Variants in MLPH observed in about 807,000 individuals in gnomAD.
The protein encoded by MLPH is melanophilin, also known as exophilin-3.
MLPH carries 51 observed loss-of-function variants against 72.1 expected under a neutral mutation model. That is an observed-to-expected ratio of 0.71 (90% CI 0.56 to 0.89). The LOEUF is 0.89. Among genes scored for constraint, MLPH ranks in the 40% least tolerant of loss-of-function variants. The pLI is 0.00. For missense variants in MLPH, 743 were observed against 759.9 expected, an observed-to-expected ratio of 0.98 and a Z score of 0.26; for synonymous variants, 301 against 310.1, an observed-to-expected ratio of 0.97 and a Z score of 0.31.
At chr2:237,499,485 T>C (rs10192449) in intron 2 of MLPH, among the ~76,000 whole-genome samples, 41,171 of 152,032 alleles carry the variant, frequency 0.27, 10,290 homozygotes, top group African/African-American at 0.66. Flanking sequence ...TATGCTCACC[T>C]GTTGAGCCAG....
At chr2:237,493,313 A>G in intron 1 of MLPH, 90 bp from the exon 2 acceptor site, 1 of 840,472 alleles carries the variant, frequency 1.2e-6, no homozygotes, top group Non-Finnish European at 2.1e-6. Flanking sequence ...CTGAGAAGTC[A>G]GCAGCGTTCT....
chr2:237,511,270 T>A, intron 4 of MLPH, 169 bp downstream of exon 4: 2 of 443,754 alleles, frequency 4.5e-6, no homozygotes, highest in Non-Finnish European at 8.0e-6. Flanking sequence ...CTGGCTGCTT[T>A]TTTTTTTTTT....
chr2:237,510,423 A>C lies in MLPH; in HGVS notation c.111-151A>C. ...AAAGATGCCTGTGTGGCTTTGCCCA[A>C]CGTTGGGTCACTGTTTTCTGCATAG... On this transcript the variant is annotated intron_variant, in intron 2 of 15. Transcript: ENST00000264605. This position sits in a 1 kb window ranked among gnomAD's most constrained non-coding sequence, Gnocchi z 4.4. The C allele has an allele frequency of 1.2e-6, 1 of 842,702 alleles. No homozygotes were observed. The highest frequency in any genetic ancestry group is 2.0e-6 in the Non-Finnish European group (1 of 506,620). The allele number at this position is 842,702 out of a possible 1,614,324, so 52.2% of individuals were successfully genotyped here.
At chr2:237,519,765 C>A in intron 5 of MLPH, 145 bp from the exon 6 acceptor site, 1 of 1,199,064 alleles carries the variant, frequency 8.3e-7, no homozygotes, top group Non-Finnish European at 1.2e-6. Context: ...AGGTTTGTTC[C>A]TAGTGGAGGG....
chr2:237,525,134 C>T (rs996450297), intron 6 of MLPH, among the ~76,000 whole-genome samples: 1 of 152,176 alleles, frequency 6.6e-6, no homozygotes, highest in African/African-American at 2.4e-5. Context: ...GAGGGATGTC[C>T]GGATTACAGC....
chr2:237,501,342 C>T (rs2079642679), intron 2 of MLPH, among the ~76,000 whole-genome samples: 1 of 152,138 alleles, frequency 6.6e-6, no homozygotes, highest in Non-Finnish European at 1.5e-5. Flanking sequence ...CTTTTACTGG[C>T]CCCATGCACA....
chr2:237,501,425 G>A (rs35847523), intron 2 of MLPH, among the ~76,000 whole-genome samples: 36,055 of 151,764 alleles, frequency 0.24, 7,303 homozygotes, highest in African/African-American at 0.55. Flanking sequence ...TTTAGCATTC[G>A]CGGGTCTATC....
At chr2:237,506,488 C>G (rs1215936467) in intron 2 of MLPH, among the ~76,000 whole-genome samples, 1 of 152,164 alleles carries the variant, frequency 6.6e-6, no homozygotes, top group African/African-American at 2.4e-5. Context: ...TGAGCAATTC[C>G]TGTCCCTTTT....
intron 2 of MLPH, among the ~76,000 whole-genome samples, chr2:237,495,675 C>T (rs911919139): frequency 6.6e-6 from 1 of 152,182 alleles, no homozygotes; most frequent in African/African-American, 2.4e-5. Flanking sequence ...TGATCCCCCA[C>T]TCTCCCTCGG....
intron 2 of MLPH, among the ~76,000 whole-genome samples, chr2:237,506,508 C>T (rs970826003): frequency 1.3e-5 from 2 of 152,156 alleles, no homozygotes. Flanking sequence ...TAAGGGCTTA[C>T]AACTCTAAGG....
intron 4 of MLPH, among the ~76,000 whole-genome samples, chr2:237,515,500 TC>T (rs1169795149): frequency 6.6e-6 from 1 of 151,824 alleles, no homozygotes; most frequent in Non-Finnish European, 1.5e-5. Flanking sequence ...GAGGATAGGA[TC>T]CCCACGGGGA....
intron 14 of MLPH, among the ~76,000 whole-genome samples, chr2:237,551,227 C>T (rs2081033459): frequency 6.6e-6 from 1 of 152,238 alleles, no homozygotes; most frequent in Non-Finnish European, 1.5e-5. Context: ...TGATTCCCTC[C>T]ACAGAGGTTA....
At chr2:237,521,823 C>G (rs2080190310) in intron 6 of MLPH, among the ~76,000 whole-genome samples, 2 of 146,410 alleles carry the variant, frequency 1.4e-5, no homozygotes, top group African/African-American at 5.4e-5. Flanking sequence ...AGGGCTGAGA[C>G]TGGGGTTGGG....
At chr2:237,518,802 G>A (rs1163942395) in intron 5 of MLPH, among the ~76,000 whole-genome samples, 154 bp downstream of exon 5, 1 of 152,144 alleles carries the variant, frequency 6.6e-6, no homozygotes, top group Non-Finnish European at 1.5e-5. Context: ...CCTTTCCCAG[G>A]CCTCAGTAGT....
chr2:237,504,369 A>G (rs1043229788), intron 2 of MLPH, among the ~76,000 whole-genome samples: 3 of 152,064 alleles, frequency 2.0e-5, no homozygotes, highest in African/African-American at 7.2e-5. Flanking sequence ...GGTGCCCACC[A>G]CCACACGGGG....
chr2:237,547,931 G>T (rs2080953152), intron 13 of MLPH, among the ~76,000 whole-genome samples: 1 of 152,120 alleles, frequency 6.6e-6, no homozygotes, highest in African/African-American at 2.4e-5. Flanking sequence ...TTTAGCTTCA[G>T]GCCTTACCTG....
chr2:237,523,292 C>A (rs564286837), intron 6 of MLPH, among the ~76,000 whole-genome samples: 1 of 152,164 alleles, frequency 6.6e-6, no homozygotes, highest in South Asian at 2.1e-4. Context: ...GGGTATGAAC[C>A]TTTTTTGCAG....
intron 13 of MLPH, among the ~76,000 whole-genome samples, chr2:237,547,882 A>T (rs190664565): frequency 6.6e-6 from 1 of 152,236 alleles, no homozygotes; most frequent in African/African-American, 2.4e-5. Context: ...TAGGGGTAGG[A>T]TGAGAGGTAC....
At chr2:237,502,057 T>C (rs2079663377) in intron 2 of MLPH, among the ~76,000 whole-genome samples, 1 of 152,196 alleles carries the variant, frequency 6.6e-6, no homozygotes, top group South Asian at 2.1e-4. Context: ...AGTCTGGAGT[T>C]AGCTGAGGAT....
Sources: gnomAD v4.1 joint callset for allele counts (sites outside exome capture counted in the v4.1 genomes callset) on GRCh38, gnomAD v4.1.1 for gene constraint, Gnocchi (gnomAD v3.1) non-coding constraint, MANE v1.5 for transcripts, NCBI Gene and HGNC (gene_info 2026-07-23, HGNC 2026-07-21) for gene names.